The following KLHL1 variants were observed in gnomAD, a reference collection of about 807,000 sequenced individuals.
The protein encoded by KLHL1 is kelch-like protein 1.
Under a neutral mutation model 77.7 loss-of-function variants are expected in KLHL1, and 47 were observed. That is an observed-to-expected ratio of 0.60 (90% CI 0.48 to 0.77). KLHL1 has a LOEUF of 0.77. Ranked by LOEUF, KLHL1 falls within the 30% of genes least tolerant of loss-of-function variation. The pLI is 0.00. For missense variants in KLHL1, 925 were observed against 910.8 expected, an observed-to-expected ratio of 1.02 and a Z score of -0.20; for synonymous variants, 360 against 325.2, an observed-to-expected ratio of 1.11 and a Z score of -1.15.
rs199838675 is a variant in KLHL1, at chr13:70,084,463, TC to T, written c.497+22739del. Among the ~76,000 whole-genome samples, 3 of 126,646 alleles carry T rather than the reference TC, an allele frequency of 2.4e-5. 1 individual carries two copies. Among genetic ancestry groups the T allele is most frequent in the Non-Finnish European group, 5.0e-5 (3 of 59,832 alleles). 83.1% of individuals were successfully genotyped at this position (126,646 alleles called of 152,430 possible). A position where few individuals can be genotyped will look rare whatever the true frequency, so the allele number is the denominator to read the frequency against. On this transcript the variant is annotated intron_variant, in intron 1 of 10. Transcript: ENST00000377844. ...TATTTTCTAGTCTATTTCTTCTTCTTCTTTTTTTTTTTTTGAGACGGAGTCT... is the reference window on the plus strand; with the variant it reads ...TATTTTCTAGTCTATTTCTTCTTCTTTTTTTTTTTTTTTGAGACGGAGTCT...
chr13:69,712,435 C>T (rs1464696816), intron 9 of KLHL1, among the ~76,000 whole-genome samples: 2 of 152,092 alleles, frequency 1.3e-5, no homozygotes, highest in African/African-American at 4.8e-5. Context: ...ATTTGTCATA[C>T]TGGTGGCCTT....
chr13:69,925,300 C>T (rs980189392), intron 4 of KLHL1, among the ~76,000 whole-genome samples: 2 of 152,116 alleles, frequency 1.3e-5, no homozygotes, highest in African/African-American at 4.8e-5. Context: ...AAAATTTTAG[C>T]TGTAAAGATG....
At chr13:69,848,624 T>C (rs2138127280) in intron 5 of KLHL1, among the ~76,000 whole-genome samples, 1 of 151,686 alleles carries the variant, frequency 6.6e-6, no homozygotes, top group Admixed American at 6.6e-5. Context: ...TTTCCATGGC[T>C]GTCACTTCAA....
intron 2 of KLHL1, among the ~76,000 whole-genome samples, chr13:69,963,532 C>T (rs1044324071): frequency 3.3e-5 from 5 of 152,088 alleles, no homozygotes; most frequent in Non-Finnish European, 7.4e-5. Context: ...TAAAAACAAA[C>T]TCAATCAATT....
In KLHL1 at chr13:70,080,912, A is replaced by T. The variant is rs73518730; in HGVS notation, c.497+26291T>A. Among the ~76,000 whole-genome samples the T allele has an allele frequency of 7.9e-3, 1,196 of 152,260 alleles. 18 individuals carry two copies. The highest frequency in any genetic ancestry group is 0.028 in the African/African-American group (1,150 of 41,552). ...CCTGGCTCTTCTACCATTTTAAAAG[A>T]TGATTTTCTGGTCATATTATCCTTT... is the stretch of plus-strand genomic sequence containing the variant. On this transcript the variant is annotated intron_variant, in intron 1 of 10. Transcript: ENST00000377844.
chr13:69,975,600 G>T lies in KLHL1; in HGVS notation c.680+20C>A. 6.3e-7 allele frequency: 1 copy of T among 1,599,560 alleles called. No homozygotes were observed. Among genetic ancestry groups the T allele is most frequent in the Non-Finnish European group, 8.5e-7 (1 of 1,174,510 alleles). ...TTAAACATGTGAATGCATGTTTCCA[G>T]TAGAGGCAGACTACTGTACCTATGT... On this transcript the variant is annotated intron_variant, in intron 2 of 10. Coordinates refer to ENST00000377844, the MANE Select transcript of KLHL1 (RefSeq NM_020866.3).
chr13:69,768,336 A>G (rs541157536), intron 7 of KLHL1, among the ~76,000 whole-genome samples: 69 of 152,196 alleles, frequency 4.5e-4, no homozygotes, highest in Non-Finnish European at 8.8e-4. Context: ...TGAAATTATT[A>G]CATTACACAA....
intron 3 of KLHL1, among the ~76,000 whole-genome samples, chr13:69,952,631 T>C (rs1883745825): frequency 6.6e-6 from 1 of 151,380 alleles, no homozygotes; most frequent in African/African-American, 2.4e-5. Flanking sequence ...AGGTATTCCT[T>C]CAGAACATCT....
chr13:69,955,957 TG>T (rs1883857248), intron 3 of KLHL1, among the ~76,000 whole-genome samples: 2 of 129,190 alleles, frequency 1.5e-5, no homozygotes, highest in African/African-American at 6.2e-5. Context: ...TATATATATT[TG>T]ATATTTATAT....
intron 1 of KLHL1, among the ~76,000 whole-genome samples, chr13:70,070,443 G>A (rs942365089): frequency 2.0e-5 from 3 of 151,932 alleles, no homozygotes; most frequent in Non-Finnish European, 4.4e-5. Flanking sequence ...CAAAAAGAGA[G>A]TGGAGTAAAA....
At position 70,108,226 on chromosome 13, in the gene KLHL1, G is replaced by A. The variant is rs548460341; in HGVS notation, c.-527C>T. ...AAAGAGCCCCAAGTCTCGAGGAAGC[G>A]TACCCCTCGCCAGATCTCTTGGTGC... On this transcript the variant is annotated 5_prime_UTR_variant, in exon 1 of 11. It adds an upstream start codon to the 5' untranslated region. Coordinates refer to ENST00000377844, the MANE Select transcript of KLHL1 (RefSeq NM_020866.3). The A allele has an allele frequency of 1.8e-4, 70 of 391,264 alleles. No homozygotes were observed. Among genetic ancestry groups the A allele is most frequent in the Middle Eastern group, 6.4e-4 (1 of 1,552 alleles). The allele number at this position is 391,264 out of a possible 1,614,324, so 24.2% of individuals were successfully genotyped here.
intron 4 of KLHL1, among the ~76,000 whole-genome samples, chr13:69,890,012 C>G (rs1881366731): frequency 6.6e-6 from 1 of 151,906 alleles, no homozygotes; most frequent in Non-Finnish European, 1.5e-5. Flanking sequence ...GGGATTCTTT[C>G]TCTATGCCTA....
intron 6 of KLHL1, among the ~76,000 whole-genome samples, chr13:69,806,608 T>C (rs1214627089): frequency 1.3e-5 from 2 of 151,328 alleles, no homozygotes; most frequent in East Asian, 2.0e-4. Flanking sequence ...AACAATAAGA[T>C]AGAAACCCAC....
chr13:69,933,150 G>T (rs1399822830), intron 4 of KLHL1, among the ~76,000 whole-genome samples: 3 of 151,864 alleles, frequency 2.0e-5, no homozygotes, highest in African/African-American at 7.3e-5. Flanking sequence ...AAGACATGCT[G>T]AAAGTCAAAT....
At chr13:70,031,210 T>A (rs1886093574) in intron 1 of KLHL1, among the ~76,000 whole-genome samples, 1 of 152,138 alleles carries the variant, frequency 6.6e-6, no homozygotes, top group South Asian at 2.1e-4. Flanking sequence ...TGCAGAAGGT[T>A]TAAGAAGCAT....
chr13:69,840,203 G>T (rs1326244269), intron 5 of KLHL1, among the ~76,000 whole-genome samples: 1 of 151,932 alleles, frequency 6.6e-6, no homozygotes, highest in African/African-American at 2.4e-5. Flanking sequence ...GCCATAAAGA[G>T]TATAGAAACA....
At chr13:70,085,213 CAG>C (rs1271125334) in intron 1 of KLHL1, among the ~76,000 whole-genome samples, 2 of 152,016 alleles carry the variant, frequency 1.3e-5, no homozygotes, top group African/African-American at 4.8e-5. Flanking sequence ...AAGAGAGAAA[CAG>C]AAAGAGACAG....
intron 2 of KLHL1, among the ~76,000 whole-genome samples, chr13:69,963,736 C>A (rs1884134832): frequency 6.6e-6 from 1 of 150,938 alleles, no homozygotes; most frequent in Non-Finnish European, 1.5e-5. Context: ...AAAAGAAGAA[C>A]ATAAAATATA....
intron 1 of KLHL1, among the ~76,000 whole-genome samples, chr13:70,017,500 A>T (rs1423873034): frequency 1.3e-5 from 2 of 152,178 alleles, no homozygotes; most frequent in African/African-American, 4.8e-5. Context: ...CCTAGCTCTG[A>T]TCAGTGGCCG....
Sources: gnomAD v4.1 joint callset for allele counts (sites outside exome capture counted in the v4.1 genomes callset) on GRCh38, gnomAD v4.1.1 for gene constraint, MANE v1.5 for transcripts, NCBI Gene and HGNC (gene_info 2026-07-23, HGNC 2026-07-21) for gene names.